The following EXT2 variants were observed in gnomAD, a reference collection of about 807,000 sequenced individuals.
EXT2 encodes the protein exostosin glycosyltransferase 2, also known as exostosin-2.
EXT2 carries 53 observed loss-of-function variants against 81.6 expected under a neutral mutation model. That is an observed-to-expected ratio of 0.65 (90% CI 0.52 to 0.82). The LOEUF (loss-of-function observed/expected upper bound fraction) is 0.82. Ranked by LOEUF, EXT2 falls within the 40% of genes least tolerant of loss-of-function variation. The pLI, the probability that EXT2 is intolerant of heterozygous loss-of-function variation, is 0.00. For missense variants in EXT2, 774 were observed against 910.2 expected, an observed-to-expected ratio of 0.85 and a Z score of 1.93; for synonymous variants, 320 against 340.0, an observed-to-expected ratio of 0.94 and a Z score of 0.65.
At chr11:44,176,141 A>T (rs1361735740) in intron 8 of EXT2, among the ~76,000 whole-genome samples, 1 of 152,190 alleles carries the variant, frequency 6.6e-6, no homozygotes, top group Non-Finnish European at 1.5e-5. Context: ...CCTCTGCAGG[A>T]GAATTCATAC....
At chr11:44,193,786 A>G (rs1246768804) in intron 8 of EXT2, among the ~76,000 whole-genome samples, 3 of 152,184 alleles carry the variant, frequency 2.0e-5, no homozygotes, top group East Asian at 1.9e-4. Flanking sequence ...CATGCTGTCC[A>G]TACCCCCCAT....
chr11:44,230,651 A>G (rs554471826), intron 10 of EXT2, among the ~76,000 whole-genome samples: 7 of 152,196 alleles, frequency 4.6e-5, no homozygotes, highest in Non-Finnish European at 7.3e-5. Context: ...AAGCCAGGCA[A>G]TGCCAGAGAT....
At chr11:44,184,824 A>G (rs1274723963) in intron 8 of EXT2, among the ~76,000 whole-genome samples, 1 of 152,178 alleles carries the variant, frequency 6.6e-6, no homozygotes, top group African/African-American at 2.4e-5. Flanking sequence ...AATGTCACTG[A>G]TCAGTTTTTT....
chr11:44,197,401 ACTC>A (rs1955467861), intron 8 of EXT2, among the ~76,000 whole-genome samples: 1 of 150,756 alleles, frequency 6.6e-6, no homozygotes, highest in Non-Finnish European at 1.5e-5. Flanking sequence ...CTCCACTCTC[ACTC>A]CTCCTCTGCT....
rs74874843 is a variant in EXT2, at chr11:44,210,191, G to A, written c.1662+3232G>A. On this transcript the variant is annotated intron_variant, in intron 10 of 13. Coordinates refer to ENST00000533608, the MANE Select transcript of EXT2 (RefSeq NM_207122.2). ...CAAAAGTCTGCACAAATATTTGTACGCTAACATTCAAAGCAGCTTTTATTT... is the reference window on the plus strand; with the variant it reads ...CAAAAGTCTGCACAAATATTTGTACACTAACATTCAAAGCAGCTTTTATTT... Among the ~76,000 whole-genome samples, 805 of 152,226 alleles carry A rather than the reference G, an allele frequency of 5.3e-3. 8 individuals are homozygous for A. Among genetic ancestry groups the A allele is most frequent in the East Asian group, 0.042 (220 of 5,178 alleles).
At chr11:44,135,024 G>T (rs1954545277) in intron 7 of EXT2, among the ~76,000 whole-genome samples, 1 of 152,170 alleles carries the variant, frequency 6.6e-6, no homozygotes. Context: ...ACCAAATATT[G>T]GTGCTGCAGA....
rs1427112062 is a variant in EXT2 at position 44,249,957 on chromosome 11, C to T, written c.*5670C>T. Reference sequence around the variant, plus strand: ...TAGTGGCAGGCACCTGTAGCCCCAGCTACTCGGGAGGCTGAGGCAGGAGAA... The same window carrying T: ...TAGTGGCAGGCACCTGTAGCCCCAGTTACTCGGGAGGCTGAGGCAGGAGAA... On this transcript the variant is annotated 3_prime_UTR_variant, in exon 14 of 14. Coordinates refer to ENST00000533608, the MANE Select transcript of EXT2 (RefSeq NM_207122.2). Among the ~76,000 whole-genome samples, 1 of 152,202 alleles carries T rather than the reference C, an allele frequency of 6.6e-6. No homozygotes were observed. The highest frequency in any genetic ancestry group is 1.5e-5 in the Non-Finnish European group (1 of 68,036).
At chr11:44,209,397 A>T (rs1269632592) in intron 10 of EXT2, among the ~76,000 whole-genome samples, 3 of 152,146 alleles carry the variant, frequency 2.0e-5, no homozygotes, top group African/African-American at 7.2e-5. Flanking sequence ...TGCTATTTTC[A>T]TTATTCCATT....
Position 44,244,323 on chromosome 11 carries a change from G to A in EXT2, c.*36G>A, listed in dbSNP as rs772940123. 1 of 1,612,824 alleles carries A rather than the reference G, an allele frequency of 6.2e-7. No homozygotes were observed. Among genetic ancestry groups the A allele is most frequent in the South Asian group, 1.1e-5 (1 of 91,016 alleles). On this transcript the variant is annotated 3_prime_UTR_variant, in exon 14 of 14. Transcript: ENST00000533608. ...TGGTGGAGGTCTGAATGTGAGGCTG[G>A]GACAGAGGGAGAGAACAAGGCCTCC...
chr11:44,111,437 C>G (rs1247168896), intron 3 of EXT2, among the ~76,000 whole-genome samples: 1 of 152,150 alleles, frequency 6.6e-6, no homozygotes, highest in East Asian at 1.9e-4. Context: ...GATTTAGACA[C>G]AAGCACACAT....
chr11:44,149,782 A>C (rs950098265), intron 7 of EXT2, among the ~76,000 whole-genome samples: 1 of 152,310 alleles, frequency 6.6e-6, no homozygotes, highest in East Asian at 1.9e-4. Context: ...TTCGAAATGG[A>C]TGACATGTGC....
intron 9 of EXT2, among the ~76,000 whole-genome samples, chr11:44,205,952 A>G (rs892547810): frequency 6.6e-6 from 1 of 152,246 alleles, no homozygotes; most frequent in African/African-American, 2.4e-5. Context: ...AACATTTTAA[A>G]ACAAAGAACC....
At chr11:44,224,625 AAAT>A (rs1289554645) in intron 10 of EXT2, among the ~76,000 whole-genome samples, 1 of 152,144 alleles carries the variant, frequency 6.6e-6, no homozygotes, top group Non-Finnish European at 1.5e-5. Flanking sequence ...ATAACGCATT[AAAT>A]AATGTTTTGG....
At chr11:44,118,387 T>A (rs1360574582) in intron 4 of EXT2, among the ~76,000 whole-genome samples, 1 of 152,214 alleles carries the variant, frequency 6.6e-6, no homozygotes, top group Non-Finnish European at 1.5e-5. Flanking sequence ...ATGATTCATA[T>A]TTTTTCCAAT....
At chr11:44,110,402 T>C (rs1954126333) in intron 3 of EXT2, among the ~76,000 whole-genome samples, 1 of 152,140 alleles carries the variant, frequency 6.6e-6, no homozygotes, top group South Asian at 2.1e-4. Flanking sequence ...TAGAGGGCAG[T>C]CCGGGTGCAC....
intron 10 of EXT2, among the ~76,000 whole-genome samples, chr11:44,215,706 TG>T (rs1955709227): frequency 6.6e-6 from 1 of 152,142 alleles, no homozygotes; most frequent in African/African-American, 2.4e-5. Flanking sequence ...TTGTCATTTC[TG>T]TAATAGTTAA....
chr11:44,173,587 G>C (rs1485356653), intron 8 of EXT2, among the ~76,000 whole-genome samples: 1 of 24,056 alleles, frequency 4.2e-5, no homozygotes, highest in South Asian at 9.1e-4. Flanking sequence ...TTTTTTTTTT[G>C]AGATGGAGTC....
chr11:44,215,844 A>C (rs1178576907), intron 10 of EXT2, among the ~76,000 whole-genome samples: 1 of 151,344 alleles, frequency 6.6e-6, no homozygotes, highest in African/African-American at 2.4e-5. Flanking sequence ...GCCTGGAGAG[A>C]GAGGAGTCTT....
At chr11:44,097,339 C>A (rs1277887588) in intron 1 of EXT2, among the ~76,000 whole-genome samples, 2 of 152,174 alleles carry the variant, frequency 1.3e-5, no homozygotes, top group Non-Finnish European at 2.9e-5. Context: ...TTAGCCATAA[C>A]ATAACTTTAA....
Sources: allele counts gnomAD v4.1 joint callset (sites outside exome capture counted in the v4.1 genomes callset), GRCh38; gene constraint gnomAD v4.1.1; transcripts MANE v1.5; gene names NCBI Gene and HGNC (gene_info 2026-07-23, HGNC 2026-07-21).